SLC24A2: variants seen among roughly 807,000 people sequenced by gnomAD.
SLC24A2 encodes solute carrier family 24 member 2.
SLC24A2 carries 36 observed loss-of-function variants against 62.0 expected under a neutral mutation model. The ratio of observed to expected loss-of-function variants is 0.58; its 90% CI spans 0.44 to 0.77. SLC24A2 has a LOEUF of 0.77. Ranked by LOEUF, SLC24A2 falls within the 30% of genes least tolerant of loss-of-function variation. SLC24A2 has a pLI of 0.00. For missense variants in SLC24A2, 846 were observed against 817.9 expected, an observed-to-expected ratio of 1.03 and a Z score of -0.42; for synonymous variants, 358 against 294.0, an observed-to-expected ratio of 1.22 and a Z score of -2.23.
chr9:20,022,853 G>C, the SLC24A2 span, among the ~76,000 whole-genome samples: 1 of 152,138 alleles, frequency 6.6e-6, no homozygotes, highest in African/African-American at 2.4e-5. Flanking sequence ...TGATAAAAAA[G>C]CATGTATTGG....
the SLC24A2 span, among the ~76,000 whole-genome samples, chr9:20,196,826 T>G: frequency 0.013 from 1,955 of 152,330 alleles, 24 homozygotes; most frequent in African/African-American, 0.029. Flanking sequence ...AATAGTAACA[T>G]CATCCCCTCC....
At chr9:19,840,456 G>A in the SLC24A2 span, among the ~76,000 whole-genome samples, 1 of 152,122 alleles carries the variant, frequency 6.6e-6, no homozygotes, top group Non-Finnish European at 1.5e-5. Context: ...TCCCTATTCA[G>A]CTATACAGGA....
At chr9:20,119,250 A>G in the SLC24A2 span, among the ~76,000 whole-genome samples, 1 of 152,144 alleles carries the variant, frequency 6.6e-6, no homozygotes, top group Non-Finnish European at 1.5e-5. Flanking sequence ...TGAGACTCTA[A>G]GCCTAGGATC....
In SLC24A2 at chr9:19,746,136, G is replaced by A. The variant is rs181255634; in HGVS notation, c.930+39801C>T. 9.2e-4 allele frequency among the ~76,000 whole-genome samples: 140 copies of A among 151,396 alleles called. 3 individuals are homozygous for A. The highest frequency in any genetic ancestry group is 5.9e-5 in the Non-Finnish European group (4 of 67,878). On this transcript the variant is annotated intron_variant, in intron 2 of 10. Transcript: ENST00000341998. ...TTTTTTTTTAAATGCACAAGTGCAT[G>A]TGAGTGCAGATGCAATCCTCTTTCA...
the SLC24A2 span, among the ~76,000 whole-genome samples, chr9:20,284,784 C>G: frequency 6.6e-6 from 1 of 152,244 alleles, no homozygotes; most frequent in African/African-American, 2.4e-5. Context: ...GGTCCTCAGC[C>G]TCTCCTATCT....
the SLC24A2 span, among the ~76,000 whole-genome samples, chr9:20,190,691 T>C: frequency 6.6e-6 from 1 of 152,294 alleles, no homozygotes; most frequent in South Asian, 2.1e-4. Context: ...CCTGTGCTTT[T>C]TCTGTATTAG....
chr9:19,635,948 C>CGTCT (rs762103801), intron 2 of SLC24A2, among the ~76,000 whole-genome samples: 12 of 152,174 alleles, frequency 7.9e-5, no homozygotes, highest in South Asian at 4.1e-4. Context: ...AGCAGGTTAA[C>CGTCT]GTCTGCTACT....
chr9:20,154,095 T>G, the SLC24A2 span, among the ~76,000 whole-genome samples: 1 of 151,902 alleles, frequency 6.6e-6, no homozygotes, highest in African/African-American at 2.4e-5. Flanking sequence ...CTCTATACTG[T>G]TACTCCAGTT....
rs996469412 is a variant in SLC24A2, at chr9:19,541,384, G to A, written c.1479+8753C>T. Among the ~76,000 whole-genome samples, 380 of 151,880 alleles carry A rather than the reference G, an allele frequency of 2.5e-3. 2 individuals are homozygous for A. Among genetic ancestry groups the A allele is most frequent in the African/African-American group, 8.6e-3 (357 of 41,440 alleles). On this transcript the variant is annotated intron_variant, in intron 8 of 10. Coordinates refer to ENST00000341998, the MANE Select transcript of SLC24A2 (RefSeq NM_020344.4). ...GATGGTGATGTACAGATGGGTTTTC[G>A]GTGTAGATGTCCTTTCTGGTCGTTA...
chr9:20,218,130 G>A, the SLC24A2 span, among the ~76,000 whole-genome samples: 384 of 152,254 alleles, frequency 2.5e-3, 1 homozygote, highest in African/African-American at 8.7e-3. Flanking sequence ...CTTCCAAAAG[G>A]TATAAAAGAG....
chr9:19,701,057 A>G (rs1290288024), intron 2 of SLC24A2, among the ~76,000 whole-genome samples: 1 of 152,226 alleles, frequency 6.6e-6, no homozygotes, highest in East Asian at 1.9e-4. Flanking sequence ...GTCCTAATTT[A>G]CTATTTGAAA....
At position 19,645,828 on chromosome 9, in the gene SLC24A2, G is replaced by T. The variant is rs752208226; in HGVS notation, c.931-23529C>A. On this transcript the variant is annotated intron_variant, in intron 2 of 10. Transcript: ENST00000341998. ...TAGTCTGCAAACAATTTCTAAAGCA[G>T]TTATTCTTGTCCAGTCCTCTATTTT... Among the ~76,000 whole-genome samples the T allele has an allele frequency of 1.3e-4, 20 of 152,204 alleles. 1 individual carries two copies. Among genetic ancestry groups the T allele is most frequent in the Non-Finnish European group, 1.9e-4 (13 of 68,034 alleles).
At chr9:20,029,998 A>G in the SLC24A2 span, among the ~76,000 whole-genome samples, 1 of 152,236 alleles carries the variant, frequency 6.6e-6, no homozygotes, top group African/African-American at 2.4e-5. Context: ...ATGGCATCAC[A>G]AAATAGGTGA....
At chr9:19,732,885 C>G (rs1041824659) in intron 2 of SLC24A2, among the ~76,000 whole-genome samples, 1 of 152,080 alleles carries the variant, frequency 6.6e-6, no homozygotes, top group East Asian at 1.9e-4. Context: ...AAAAAAAAAT[C>G]CAGATTTTTC....
At chr9:19,761,459 TTTTAA>T (rs1294804852) in intron 2 of SLC24A2, among the ~76,000 whole-genome samples, 19 of 148,026 alleles carry the variant, frequency 1.3e-4, no homozygotes, top group African/African-American at 4.2e-4. Context: ...AAATGTCATT[TTTTAA>T]TTTTTTTATT....
chr9:19,847,691 G>C, the SLC24A2 span, among the ~76,000 whole-genome samples: 2 of 152,136 alleles, frequency 1.3e-5, no homozygotes, highest in Non-Finnish European at 2.9e-5. Flanking sequence ...CCGCACTGGA[G>C]GTAGTTTACC....
chr9:19,840,328 A>G, the SLC24A2 span, among the ~76,000 whole-genome samples: 3 of 152,210 alleles, frequency 2.0e-5, no homozygotes, highest in African/African-American at 4.8e-5. Flanking sequence ...CCCAGGCTTG[A>G]ACAGCAGTAG....
the SLC24A2 span, among the ~76,000 whole-genome samples, chr9:20,173,943 C>T: frequency 6.6e-6 from 1 of 152,036 alleles, no homozygotes; most frequent in East Asian, 1.9e-4. Flanking sequence ...TATGTAATTT[C>T]AAACTATACT....
At chr9:19,579,480 A>C (rs896364341) in intron 5 of SLC24A2, among the ~76,000 whole-genome samples, 2 of 152,194 alleles carry the variant, frequency 1.3e-5, no homozygotes, top group African/African-American at 4.8e-5. Context: ...AAGAGGAAAA[A>C]AGGAGGTTCT....
Sources: allele counts gnomAD v4.1 joint callset (sites outside exome capture counted in the v4.1 genomes callset), GRCh38; gene constraint gnomAD v4.1.1; transcripts MANE v1.5; gene names NCBI Gene and HGNC (gene_info 2026-07-23, HGNC 2026-07-21).